The following LRIG2 variants were observed in gnomAD, a reference collection of about 807,000 sequenced individuals.
The protein encoded by LRIG2 is leucine rich repeats and immunoglobulin like domains 2.
In LRIG2, 93 loss-of-function variants were observed where a neutral mutation model predicts 107.8. That is an observed-to-expected ratio of 0.86 (90% CI 0.73 to 1.03). The LOEUF (loss-of-function observed/expected upper bound fraction) is 1.03. Ranked by LOEUF, LRIG2 falls within the 50% of genes least tolerant of loss-of-function variation. The pLI is 0.00. For missense variants in LRIG2, 1,226 were observed against 1,296.0 expected (o/e 0.95, Z 0.83); for synonymous variants, 471 against 470.6 (o/e 1.00, Z -0.01).
intron 3 of LRIG2, 64 bp downstream of exon 3, chr1:113,093,344 G>A (rs960479583): frequency 2.6e-6 from 4 of 1,549,274 alleles, no homozygotes; most frequent in Non-Finnish European, 3.5e-6. Context: ...TTTTTTTAAA[G>A]CACATATATT....
At chr1:113,083,389 A>C (rs1255902374) in intron 1 of LRIG2, among the ~76,000 whole-genome samples, 13 of 123,722 alleles carry the variant, frequency 1.1e-4, no homozygotes, top group African/African-American at 4.0e-4. Flanking sequence ...TCTGTTGCCC[A>C]GGCTTGAGTG....
intron 8 of LRIG2, among the ~76,000 whole-genome samples, chr1:113,098,177 A>C (rs76496566): frequency 0.016 from 2,447 of 152,320 alleles, 80 homozygotes; most frequent in African/African-American, 0.055. Context: ...ACACGCTAAC[A>C]CATGGGTTTA....
At position 113,098,921 on chromosome 1, in the gene LRIG2, CTTTG is replaced by C. The variant is rs369855849; in HGVS notation, c.1172+151_1172+154del. ...ACACTCTGGGAGCTCTGTGGGGTTT[CTTTG>C]TTTGTTTGTTTGTTCGTTTTTTTGA... On this transcript the variant is annotated intron_variant, in intron 9 of 17. Transcript: ENST00000361127. 2,330 of 614,214 alleles carry C rather than the reference CTTTG, an allele frequency of 3.8e-3. 9 individuals carry two copies. Among genetic ancestry groups the C allele is most frequent in the Middle Eastern group, 0.012 (27 of 2,246 alleles). The allele number at this position is 614,214 out of a possible 1,614,324, so 38.0% of individuals were successfully genotyped here. A position where few individuals can be genotyped will look rare whatever the true frequency, so the allele number is the denominator to read the frequency against.
At position 113,110,356 on chromosome 1, in the gene LRIG2, C is replaced by G. The variant is rs761305987; in HGVS notation, c.1592C>G (p.Thr531Ser). Residue 531 changes from threonine (T) to serine (S), a missense_variant, in exon 13 of 18, where the codon ACT becomes AGT. Thr to Ser is a moderately conservative substitution (Grantham distance 58). Around this residue, in one of 3 missense-constraint regions of LRIG2, gnomAD observed 642 missense variants for 712.2 expected, o/e 0.90. Transcript: ENST00000361127. ...AGCAGCAGTGATTCACCCATGTCCA[C>G]TGTGTGGCGCAAAGACAGTGAAATC... ...AVSSSDSPMS[T>S]VWRKDSEILY... 2.6e-5 allele frequency: 42 copies of G among 1,614,160 alleles called. No individual in the cohort carries two copies. The highest frequency in any genetic ancestry group is 3.5e-5 in the Non-Finnish European group (41 of 1,180,024).
In LRIG2 at chr1:113,122,538, A is replaced by G. The variant is rs545760768; in HGVS notation, c.2972-1337A>G. On this transcript the variant is annotated intron_variant, in intron 17 of 17. Coordinates refer to ENST00000361127, the MANE Select transcript of LRIG2 (RefSeq NM_014813.3). ...CTTTTACTGTTGGATGTCTTAGAAG[A>G]GTTAATACAAAAAGGGTTTAAGAAG... 6.6e-5 allele frequency among the ~76,000 whole-genome samples: 10 copies of G among 152,330 alleles called. No individual in the cohort carries two copies. In the South Asian group the frequency reaches 2.1e-3, roughly 32 times the overall value.
At chr1:113,110,168 A>G in intron 12 of LRIG2, 74 bp from the exon 13 acceptor site, 1 of 1,037,018 alleles carries the variant, frequency 9.6e-7, no homozygotes, top group Non-Finnish European at 1.4e-6. Context: ...ACAATTTTAT[A>G]GTATTTTTTA....
intron 16 of LRIG2, among the ~76,000 whole-genome samples, chr1:113,117,663 T>C (rs1226523180): frequency 1.3e-5 from 2 of 152,008 alleles, no homozygotes; most frequent in African/African-American, 4.8e-5. Flanking sequence ...TTTGTATTTT[T>C]AGTAGAGACG....
At position 113,095,554 on chromosome 1, in the gene LRIG2, G is replaced by A. The variant is rs564157614; in HGVS notation, c.804-320G>A. Among the ~76,000 whole-genome samples the A allele has an allele frequency of 8.0e-5, 12 of 150,688 alleles. No individual in the cohort carries two copies. In the East Asian group the frequency reaches 1.2e-3, roughly 15 times the overall value. On this transcript the variant is annotated intron_variant, in intron 6 of 17. Coordinates refer to ENST00000361127, the MANE Select transcript of LRIG2 (RefSeq NM_014813.3). ...CTCCCGAGTAGCTGGGACTACAGGC[G>A]CGCGCCACCGTGCCCAGTTAATTTT...
At chr1:113,099,193 C>T (rs1654198750) in intron 9 of LRIG2, among the ~76,000 whole-genome samples, 1 of 151,622 alleles carries the variant, frequency 6.6e-6, no homozygotes, top group African/African-American at 2.4e-5. Flanking sequence ...CTTCAGCCTC[C>T]CAAAGTGCCC....
intron 16 of LRIG2, among the ~76,000 whole-genome samples, chr1:113,118,423 T>C (rs1302316861): frequency 6.6e-6 from 1 of 152,240 alleles, no homozygotes; most frequent in East Asian, 1.9e-4. Context: ...TTACTTAACC[T>C]CTTGACTCAT....
chr1:113,124,532 G>C lies in LRIG2; in HGVS notation c.*431G>C, dbSNP rs1655407833. ...AAATAACTTTGGAGCCTTCTGGGAA[G>C]TGTGCCTGGGATTCTTCAGTGGTTT... On this transcript the variant is annotated 3_prime_UTR_variant, in exon 18 of 18. Transcript: ENST00000361127. The C allele has an allele frequency of 5.7e-6, 1 of 174,238 alleles. No homozygotes were observed. The highest frequency in any genetic ancestry group is 2.4e-5 in the African/African-American group (1 of 41,866). 10.8% of individuals were successfully genotyped at this position (174,238 alleles called of 1,614,324 possible). A position where few individuals can be genotyped will look rare whatever the true frequency, so the allele number is the denominator to read the frequency against.
intron 16 of LRIG2, 90 bp from the exon 17 acceptor site, chr1:113,119,143 A>G (rs1655134993): frequency 1.6e-6 from 2 of 1,220,760 alleles, no homozygotes; most frequent in Non-Finnish European, 1.2e-6. Flanking sequence ...CATGCTAGCA[A>G]TGATGATGAC....
Position 113,116,367 on chromosome 1 carries a change from A to G in LRIG2, c.2611A>G (p.Asn871Asp), listed in dbSNP as rs1179675237. The change falls in exon 16 of 18, where the codon AAC becomes GAC. Residue 871 changes from asparagine to aspartate, a missense_variant. By Grantham distance (23) the Asn-to-Asp change is conservative. Around this residue, in one of 3 missense-constraint regions of LRIG2, gnomAD observed 642 missense variants for 712.2 expected, o/e 0.90. Transcript: ENST00000361127. ...TLSEPQEGYSNSEAGSHQQLM... is the reference protein window; with the variant it reads ...TLSEPQEGYSDSEAGSHQQLM... ...GTCTGAGCCACAGGAAGGCTACAGC[A>G]ACTCTGAGGCAGGCAGTCATCAGCA... 6 of 1,614,108 alleles carry G rather than the reference A, an allele frequency of 3.7e-6. No individual in the cohort carries two copies. Among genetic ancestry groups the G allele is most frequent in the Non-Finnish European group, 5.1e-6 (6 of 1,179,978 alleles).
intron 1 of LRIG2, among the ~76,000 whole-genome samples, chr1:113,082,991 C>T (rs1036592658): frequency 6.6e-6 from 1 of 151,878 alleles, no homozygotes; most frequent in African/African-American, 2.4e-5. Flanking sequence ...TCAGTGCAGC[C>T]TCAACCTCCC....
chr1:113,124,148 T>A lies in LRIG2; in HGVS notation c.*47T>A. On this transcript the variant is annotated 3_prime_UTR_variant, in exon 18 of 18. Coordinates refer to ENST00000361127, the MANE Select transcript of LRIG2 (RefSeq NM_014813.3). The stretch of plus-strand genomic sequence containing the variant: ...TGGGCAGAGACTTATTAATTAATTT[T>A]GCATTTACTACCTCAGAGCTCAGAA... The A allele has an allele frequency of 6.5e-7, 1 of 1,528,600 alleles. No individual in the cohort carries two copies. The highest frequency in any genetic ancestry group is 9.0e-7 in the Non-Finnish European group (1 of 1,105,386). The allele number at this position is 1,528,600 out of a possible 1,614,324, so 94.7% of individuals were successfully genotyped here. A position where few individuals can be genotyped will look rare whatever the true frequency, so the allele number is the denominator to read the frequency against.
At chr1:113,123,730 TGTGTGTG>T (rs753897742) in intron 17 of LRIG2, 138 bp from the exon 18 acceptor site, 6 of 462,676 alleles carry the variant, frequency 1.3e-5, no homozygotes, top group South Asian at 5.2e-5. Flanking sequence ...GTGGTTTTTG[TGTGTGTG>T]TGTGTGTGTG....
intron 2 of LRIG2, among the ~76,000 whole-genome samples, chr1:113,092,452 A>C (rs1653870186): frequency 6.6e-6 from 1 of 152,204 alleles, no homozygotes; most frequent in South Asian, 2.1e-4. Flanking sequence ...CTGTGGTCTC[A>C]AGTAACACTC....
intron 15 of LRIG2, 93 bp downstream of exon 15, chr1:113,114,969 C>A: frequency 9.6e-7 from 1 of 1,036,820 alleles, no homozygotes; most frequent in Non-Finnish European, 1.4e-6. Context: ...GAGAGCTGGT[C>A]ATAGTAGCAC....
chr1:113,112,397 A>G (rs1296575190), intron 13 of LRIG2, 82 bp from the exon 14 acceptor site: 3 of 1,257,114 alleles, frequency 2.4e-6, no homozygotes. Context: ...CTTGCCTACT[A>G]GATTCTTTCA....
Sources: gnomAD v4.1 joint callset for allele counts (sites outside exome capture counted in the v4.1 genomes callset) on GRCh38, gnomAD v4.1.1 for gene constraint, gnomAD v4.1.1 regional missense constraint, MANE v1.5 for transcripts, NCBI Gene and HGNC (gene_info 2026-07-23, HGNC 2026-07-21) for gene names.